RFTN2: variants seen among roughly 807,000 people sequenced by gnomAD.
RFTN2 encodes the protein raftlin family member 2.
Under a neutral mutation model 52.7 loss-of-function variants are expected in RFTN2, and 34 were observed. The observed-to-expected ratio is 0.64, with a 90% CI of 0.49 to 0.86. The LOEUF is 0.86. RFTN2 is among the 40% of genes least tolerant of loss of function. The pLI, the probability that RFTN2 is intolerant of heterozygous loss-of-function variation, is 0.00. For synonymous variants in RFTN2, 203 were observed against 217.7 expected (o/e 0.93, Z 0.59); for missense variants, 536 against 600.1 (o/e 0.89, Z 1.12).
At chr2:197,649,607 G>A (rs1407476228) in intron 1 of RFTN2, among the ~76,000 whole-genome samples, 1 of 152,244 alleles carries the variant, frequency 6.6e-6, no homozygotes, top group Non-Finnish European at 1.5e-5. Context: ...CACTGTCAGG[G>A]CACATGTTGC....
In RFTN2 at chr2:197,570,076, G is replaced by A. The variant is rs1335934894; in HGVS notation, c.*1932C>T. The A allele has an allele frequency of 6.6e-6, 1 of 151,706 alleles. No homozygotes were observed. Among genetic ancestry groups the A allele is most frequent in the Non-Finnish European group, 1.5e-5 (1 of 67,980 alleles). 9.4% of individuals were successfully genotyped at this position (151,706 alleles called of 1,614,324 possible). Reference sequence around the variant, plus strand: ...GATAAAGAAGTCTCTACCTCTTGTAGACCCTGGAATTGGGAAAAACAGATC... The same window carrying A: ...GATAAAGAAGTCTCTACCTCTTGTAAACCCTGGAATTGGGAAAAACAGATC... On this transcript the variant is annotated 3_prime_UTR_variant, in exon 9 of 9. Coordinates refer to ENST00000295049, the MANE Select transcript of RFTN2 (RefSeq NM_144629.3).
At chr2:197,621,537 C>T (rs947443237) in intron 5 of RFTN2, among the ~76,000 whole-genome samples, 5 of 151,218 alleles carry the variant, frequency 3.3e-5, no homozygotes, top group African/African-American at 9.7e-5. Flanking sequence ...AATATTTCAA[C>T]CTTTTTCATT....
Position 197,568,335 on chromosome 2 carries a change from C to T in RFTN2, c.*3673G>A, listed in dbSNP as rs1288248494. Reference sequence around the variant, plus strand: ...GTTTAGAACCCATTTCTTTTGCAGTCGTCTTCACCAAAACTTTATGAACCT... The same window carrying T: ...GTTTAGAACCCATTTCTTTTGCAGTTGTCTTCACCAAAACTTTATGAACCT... On this transcript the variant is annotated 3_prime_UTR_variant, in exon 9 of 9. Coordinates refer to ENST00000295049, the MANE Select transcript of RFTN2 (RefSeq NM_144629.3). 4 of 152,128 alleles carry T rather than the reference C, an allele frequency of 2.6e-5. No homozygotes were observed. Among genetic ancestry groups the T allele is most frequent in the Non-Finnish European group, 1.5e-5 (1 of 68,022 alleles). The allele number at this position is 152,128 out of a possible 1,614,324, so 9.4% of individuals were successfully genotyped here.
intron 5 of RFTN2, among the ~76,000 whole-genome samples, chr2:197,619,703 A>C (rs1267408429): frequency 5.4e-5 from 8 of 149,106 alleles, no homozygotes; most frequent in African/African-American, 2.0e-4. Context: ...GACCCTGCCA[A>C]ATCCCCCTCT....
At chr2:197,636,383 C>T (rs1427316060) in intron 3 of RFTN2, among the ~76,000 whole-genome samples, 3 of 138,456 alleles carry the variant, frequency 2.2e-5, no homozygotes, top group South Asian at 2.6e-4. Context: ...ATGGAATGTT[C>T]TTCCATTTGT....
upstream of RFTN2, chr2:197,675,587 C>CAAAAAAAAAAAAAAA (rs1559372035): frequency 6.3e-5 from 1 of 15,798 alleles, no homozygotes; most frequent in East Asian, 2.5e-3. Context: ...CTATAGATAA[C>CAAAAAAAAAAAAAAA]CAAAAAAAAA....
intron 1 of RFTN2, among the ~76,000 whole-genome samples, chr2:197,668,300 A>C (rs1420590861): frequency 6.6e-6 from 1 of 152,090 alleles, no homozygotes; most frequent in Non-Finnish European, 1.5e-5. Flanking sequence ...TGATAGCATG[A>C]GCAGGCACCA....
intron 7 of RFTN2, among the ~76,000 whole-genome samples, chr2:197,615,212 C>A (rs998384731): frequency 2.0e-5 from 3 of 152,180 alleles, no homozygotes; most frequent in Non-Finnish European, 2.9e-5. Context: ...AATGTTGAAC[C>A]ATAATTGACT....
chr2:197,607,386 C>T (rs1032094114), intron 7 of RFTN2, among the ~76,000 whole-genome samples: 4 of 151,774 alleles, frequency 2.6e-5, no homozygotes, highest in African/African-American at 4.8e-5. Context: ...TGCTAAATGA[C>T]GAGTTAATGG....
At chr2:197,607,431 G>A (rs559551204) in intron 7 of RFTN2, among the ~76,000 whole-genome samples, 2 of 151,568 alleles carry the variant, frequency 1.3e-5, no homozygotes, top group South Asian at 4.2e-4. Context: ...GTATACATAT[G>A]TAACAAACCT....
rs534624092 is a variant in RFTN2 at position 197,591,542 on chromosome 2, C to T, written c.1233+4449G>A. Among the ~76,000 whole-genome samples, 12 of 152,336 alleles carry T rather than the reference C, an allele frequency of 7.9e-5. No homozygotes were observed. In the South Asian group the frequency reaches 1.2e-3, roughly 16 times the overall value. ...CAGGTGGAGCTGTCTGCCAGTCCCG[C>T]GCAGTGTGCCCATACTCCTCAGCCC... On this transcript the variant is annotated intron_variant, in intron 8 of 8. Transcript: ENST00000295049.
Position 197,568,872 on chromosome 2 carries a change from A to T in RFTN2, c.*3136T>A, listed in dbSNP as rs1472250523. ...AAATGAAAATGCATCTGTTACATTT[A>T]TATTCAAATATATAAACACCTGCTC... On this transcript the variant is annotated 3_prime_UTR_variant, in exon 9 of 9. Coordinates refer to ENST00000295049, the MANE Select transcript of RFTN2 (RefSeq NM_144629.3). The T allele has an allele frequency of 4.6e-5, 7 of 152,216 alleles. No individual in the cohort carries two copies. Among genetic ancestry groups the T allele is most frequent in the Admixed American group, 4.6e-4 (7 of 15,286 alleles). 9.4% of individuals were successfully genotyped at this position (152,216 alleles called of 1,614,324 possible). A position where few individuals can be genotyped will look rare whatever the true frequency, so the allele number is the denominator to read the frequency against.
At chr2:197,597,836 C>T (rs916045667) in intron 7 of RFTN2, among the ~76,000 whole-genome samples, 1 of 152,116 alleles carries the variant, frequency 6.6e-6, no homozygotes, top group Non-Finnish European at 1.5e-5. Flanking sequence ...TTTTTTCTAT[C>T]AGGGACCTCA....
chr2:197,603,651 C>A (rs2087914193), intron 7 of RFTN2, among the ~76,000 whole-genome samples: 3 of 152,154 alleles, frequency 2.0e-5, no homozygotes, highest in Admixed American at 2.0e-4. Context: ...TGTGGTGGCT[C>A]ACGCCTGTAA....
chr2:197,675,130 T>G (rs183381131), intron 1 of RFTN2, among the ~76,000 whole-genome samples, 190 bp downstream of exon 1: 80 of 152,322 alleles, frequency 5.3e-4, no homozygotes, highest in Admixed American at 3.3e-3. Context: ...ATATGAGCCA[T>G]GTTACCAAAA....
chr2:197,666,506 GT>G (rs1245289454), intron 1 of RFTN2, among the ~76,000 whole-genome samples: 2 of 152,202 alleles, frequency 1.3e-5, no homozygotes, highest in African/African-American at 4.8e-5. Context: ...GAAATCTGCT[GT>G]TATTCTGATG....
rs534981975 is a variant in RFTN2, at chr2:197,607,943, T to C, written c.1154+7933A>G. 3.3e-5 allele frequency among the ~76,000 whole-genome samples: 5 copies of C among 152,362 alleles called. No individual in the cohort carries two copies. The East Asian group carries it at 7.7e-4, about 23-fold the overall frequency. ...TAGACAAAATTGATTATTTTAAGAATGTGGCCTTATCAAAATACTGCTCAC... is the reference window on the plus strand; with the variant it reads ...TAGACAAAATTGATTATTTTAAGAACGTGGCCTTATCAAAATACTGCTCAC... On this transcript the variant is annotated intron_variant, in intron 7 of 8. Transcript: ENST00000295049.
At chr2:197,628,424 A>G (rs1453096885) in intron 5 of RFTN2, among the ~76,000 whole-genome samples, 1 of 152,222 alleles carries the variant, frequency 6.6e-6, no homozygotes, top group African/African-American at 2.4e-5. Context: ...TGAGGCTTTA[A>G]GAACAAAAGC....
chr2:197,593,922 A>G (rs2087756089), intron 8 of RFTN2, among the ~76,000 whole-genome samples: 1 of 150,752 alleles, frequency 6.6e-6, no homozygotes, highest in Non-Finnish European at 1.5e-5. Context: ...GTGTGACATG[A>G]TGAGAAGTTT....
Sources: gnomAD v4.1 joint callset for allele counts (sites outside exome capture counted in the v4.1 genomes callset) on GRCh38, gnomAD v4.1.1 for gene constraint, MANE v1.5 for transcripts, NCBI Gene and HGNC (gene_info 2026-07-23, HGNC 2026-07-21) for gene names.